Variants in SAMSN1 observed in about 807,000 individuals in gnomAD.
SAMSN1 encodes the protein SAM domain-containing protein SAMSN-1.
A neutral mutation model predicts 42.0 loss-of-function variants in SAMSN1; 31 were observed. The ratio of observed to expected loss-of-function variants is 0.74; its 90% CI spans 0.55 to 1.00. The LOEUF is 1.00. SAMSN1 is among the 50% of genes least tolerant of loss of function. The pLI is 0.00. For synonymous variants in SAMSN1, 178 were observed against 151.9 expected (o/e 1.17, Z -1.26); for missense variants, 464 against 439.4 (o/e 1.06, Z -0.50).
intron 2 of SAMSN1, among the ~76,000 whole-genome samples, chr21:14,630,274 G>C (rs1173632177): frequency 6.6e-6 from 1 of 152,088 alleles, no homozygotes; most frequent in Non-Finnish European, 1.5e-5. Context: ...ATCCCTTTCT[G>C]TAGAAACAAT....
intron 5 of SAMSN1, 32 bp downstream of exon 5, chr21:14,510,278 C>A (rs375792788): frequency 1.1e-4 from 179 of 1,607,382 alleles, no homozygotes; most frequent in Non-Finnish European, 1.5e-4. Context: ...TTTGACAGAC[C>A]ATTCAGAAGG....
chr21:14,540,395 T>C lies in SAMSN1; in HGVS notation c.57+5810A>G, dbSNP rs1019016232. Among the ~76,000 whole-genome samples, 33 of 152,330 alleles carry C rather than the reference T, an allele frequency of 2.2e-4. 5 individuals carry two copies. Among genetic ancestry groups the C allele is most frequent in the Admixed American group, 1.2e-3 (19 of 15,302 alleles). On this transcript the variant is annotated intron_variant, in intron 1 of 7. Transcript: ENST00000400566. ...AGAAAATTTTTGCAATCTACTCATCTGACAAAGCGCTAATATCCAGAATCT... is the reference window on the plus strand; with the variant it reads ...AGAAAATTTTTGCAATCTACTCATCCGACAAAGCGCTAATATCCAGAATCT...
At chr21:14,624,850 T>C (rs1388497063) in intron 2 of SAMSN1, among the ~76,000 whole-genome samples, 1 of 152,164 alleles carries the variant, frequency 6.6e-6, no homozygotes, top group Non-Finnish European at 1.5e-5. Flanking sequence ...ACCAATATCC[T>C]TGATGAACAT....
intron 1 of SAMSN1, among the ~76,000 whole-genome samples, chr21:14,646,713 A>G (rs1487041537): frequency 6.6e-6 from 1 of 152,212 alleles, no homozygotes; most frequent in Admixed American, 6.5e-5. Flanking sequence ...ACAGCTTTTC[A>G]AGACACTGTC....
At chr21:14,524,626 A>G (rs192005975) in intron 1 of SAMSN1, among the ~76,000 whole-genome samples, 1 of 152,282 alleles carries the variant, frequency 6.6e-6, no homozygotes, top group African/African-American at 2.4e-5. Context: ...TTTATCAGCA[A>G]TACATTTGTA....
chr21:14,646,313 G>A (rs4817305), intron 1 of SAMSN1, among the ~76,000 whole-genome samples: 13,738 of 152,118 alleles, frequency 0.09, 730 homozygotes, highest in Admixed American at 0.19. Flanking sequence ...CTATATGTCC[G>A]GCAACAGACT....
At position 14,625,735 on chromosome 21, in the gene SAMSN1, ATC is replaced by A. The variant is rs544032279; in HGVS notation, c.157-9721_157-9720del. 8.5e-5 allele frequency among the ~76,000 whole-genome samples: 13 copies of A among 152,344 alleles called. No individual in the cohort carries two copies. In the East Asian group the frequency reaches 2.5e-3, roughly 29 times the overall value. On this transcript the variant is annotated intron_variant, in intron 2 of 15. Transcript: ENST00000647101. ...AATTTACAGATTCAATGCCATCCCC[ATC>A]AAGCTACCAATGACTTTCTTCACAG...
upstream of SAMSN1, chr21:14,546,385 C>G (rs533413307): frequency 1.4e-6 from 2 of 1,466,384 alleles, no homozygotes; most frequent in South Asian, 2.9e-5. Context: ...CCTGCCACTT[C>G]CTCCTTCAGT....
intron 2 of SAMSN1, among the ~76,000 whole-genome samples, chr21:14,518,120 G>A (rs1389505633): frequency 5.9e-5 from 9 of 152,180 alleles, no homozygotes; most frequent in East Asian, 1.9e-4. Flanking sequence ...ATTGGCTTCC[G>A]CCAGATATCC....
intron 2 of SAMSN1, among the ~76,000 whole-genome samples, chr21:14,617,445 T>C (rs1982868715): frequency 6.6e-6 from 1 of 152,170 alleles, no homozygotes; most frequent in South Asian, 2.1e-4. Flanking sequence ...GTGACAATCA[T>C]GAGGAAAGAG....
chr21:14,514,873 T>A (rs1391337909), intron 3 of SAMSN1, among the ~76,000 whole-genome samples: 1 of 152,082 alleles, frequency 6.6e-6, no homozygotes, highest in African/African-American at 2.4e-5. Flanking sequence ...AGCAGATAAG[T>A]GAAGAGGTCA....
intron 2 of SAMSN1, among the ~76,000 whole-genome samples, chr21:14,569,150 C>G (rs541197026): frequency 1.5e-4 from 23 of 151,868 alleles, no homozygotes; most frequent in African/African-American, 5.1e-4. Flanking sequence ...ATAAAAATAG[C>G]TAGGCGTGTT....
intron 7 of SAMSN1, among the ~76,000 whole-genome samples, chr21:14,497,850 C>T (rs13051520): frequency 0.25 from 37,641 of 152,084 alleles, 5,208 homozygotes; most frequent in Non-Finnish European, 0.32. Flanking sequence ...AGCCTGGTTG[C>T]TGTAGACAAT....
rs540208047 is a variant in SAMSN1 at position 14,527,828 on chromosome 21, T to C, written c.58-6607A>G. Among the ~76,000 whole-genome samples the C allele has an allele frequency of 7.9e-5, 12 of 151,416 alleles. No homozygotes were observed. The South Asian group carries it at 2.5e-3, about 32-fold the overall frequency. ...TCTAAAAGTGGTTATTCATACCAGCTTATTTTATGCAACAAGTCTGATGAG... is the reference window on the plus strand; with the variant it reads ...TCTAAAAGTGGTTATTCATACCAGCCTATTTTATGCAACAAGTCTGATGAG... On this transcript the variant is annotated intron_variant, in intron 1 of 7. Coordinates refer to ENST00000400566, the MANE Select transcript of SAMSN1 (RefSeq NM_022136.5).
chr21:14,567,252 G>A (rs1270058503), intron 2 of SAMSN1, among the ~76,000 whole-genome samples: 8 of 149,546 alleles, frequency 5.3e-5, no homozygotes, highest in Non-Finnish European at 7.4e-5. Flanking sequence ...GAAGTTGCAC[G>A]AGTAAGTCAG....
intron 2 of SAMSN1, among the ~76,000 whole-genome samples, chr21:14,581,414 A>T (rs889483852): frequency 8.8e-6 from 1 of 113,380 alleles, no homozygotes; most frequent in Non-Finnish European, 1.6e-5. Flanking sequence ...GCTGGAGGGC[A>T]GTGGCGCGAT....
At position 14,626,137 on chromosome 21, in the gene SAMSN1, A is replaced by T. The variant is rs549571784; in HGVS notation, c.157-10121T>A. ...TTATACAAAAATTACTTCAAGATGG[A>T]TTAAAGACTTACATGTCAGACCTAA... On this transcript the variant is annotated intron_variant, in intron 2 of 15. Transcript: ENST00000647101. 1.2e-4 allele frequency among the ~76,000 whole-genome samples: 19 copies of T among 152,320 alleles called. No homozygotes were observed. The East Asian group carries it at 3.5e-3, about 28-fold the overall frequency.
rs1180499356 is a variant in SAMSN1, at chr21:14,570,236, T to G, written c.261+11900A>C. Among the ~76,000 whole-genome samples, 4 of 152,210 alleles carry G rather than the reference T, an allele frequency of 2.6e-5. No homozygotes were observed. In the East Asian group the frequency reaches 7.7e-4, roughly 29 times the overall value. On this transcript the variant is annotated intron_variant, in intron 2 of 8. Coordinates refer to the SAMSN1 transcript ENST00000285670. ...TAGAGAGAGAATTTATGAGTTCATTTCAATCACCACAAATGAAAGCCACCC... is the reference window on the plus strand; with the variant it reads ...TAGAGAGAGAATTTATGAGTTCATTGCAATCACCACAAATGAAAGCCACCC...
chr21:14,569,984 T>C lies in SAMSN1; in HGVS notation c.261+12152A>G, dbSNP rs112207579. ...AAAACTGTGGTGTCTTTAACCACTT[T>C]CCCCCCCCCCAGTTTTTCACTTGAC... On this transcript the variant is annotated intron_variant, in intron 2 of 8. Transcript: ENST00000285670. Among the ~76,000 whole-genome samples, 1,242 of 149,716 alleles carry C rather than the reference T, an allele frequency of 8.3e-3. 20 individuals carry two copies. The highest frequency in any genetic ancestry group is 0.029 in the African/African-American group (1,179 of 40,820).
Sources: gnomAD v4.1 joint callset for allele counts (sites outside exome capture counted in the v4.1 genomes callset) on GRCh38, gnomAD v4.1.1 for gene constraint, MANE v1.5 for transcripts, NCBI Gene and HGNC (gene_info 2026-07-23, HGNC 2026-07-21) for gene names.